TEK: variants seen among roughly 807,000 people sequenced by gnomAD.
TEK encodes angiopoietin-1 receptor.
TEK carries 43 observed loss-of-function variants against 131.8 expected under a neutral mutation model. The observed-to-expected ratio is 0.33, with a 90% CI of 0.26 to 0.42. The LOEUF is 0.42. Among genes scored for constraint, TEK ranks in the 10% least tolerant of loss-of-function variants. The probability of loss-of-function intolerance (pLI) is 1.00; values close to 1 mark genes in which losing one functional copy is unlikely to be tolerated. For synonymous variants in TEK, 580 were observed against 491.6 expected, an observed-to-expected ratio of 1.18 and a Z score of -2.38; for missense variants, 1,162 against 1,384.4, an observed-to-expected ratio of 0.84 and a Z score of 2.55.
intron 8 of TEK, 123 bp from the exon 9 acceptor site, chr9:27,185,361 AC>A (rs1824556223): frequency 8.3e-7 from 1 of 1,203,998 alleles, no homozygotes; most frequent in African/African-American, 1.5e-5. Flanking sequence ...TATTAGCATT[AC>A]ATTTAGCTTC....
intron 1 of TEK, among the ~76,000 whole-genome samples, chr9:27,136,578 G>C (rs1449249639): frequency 1.3e-5 from 2 of 152,090 alleles, no homozygotes; most frequent in East Asian, 3.9e-4. Flanking sequence ...TGGACATACA[G>C]CCACAATCAT....
intron 1 of TEK, among the ~76,000 whole-genome samples, chr9:27,148,736 G>A (rs368190710): frequency 9.8e-5 from 15 of 152,318 alleles, no homozygotes; most frequent in African/African-American, 3.4e-4. Context: ...AATCTACTGC[G>A]ACTGGCTGTT....
At chr9:27,139,575 C>T (rs1043848672) in intron 1 of TEK, among the ~76,000 whole-genome samples, 11 of 151,908 alleles carry the variant, frequency 7.2e-5, no homozygotes, top group African/African-American at 2.4e-4. Flanking sequence ...CCGCCCACCT[C>T]GGCCTCCCAA....
At chr9:27,135,383 C>T (rs561692069) in intron 1 of TEK, among the ~76,000 whole-genome samples, 7 of 152,012 alleles carry the variant, frequency 4.6e-5, no homozygotes, top group Non-Finnish European at 1.0e-4. Context: ...GGTAGGTTGC[C>T]ACCTTAGGAG....
chr9:27,143,383 T>C (rs1822801030), intron 1 of TEK, among the ~76,000 whole-genome samples: 1 of 152,078 alleles, frequency 6.6e-6, no homozygotes, highest in African/African-American at 2.4e-5. Flanking sequence ...TAGGTAGCCA[T>C]CATGGATCCA....
At chr9:27,175,591 T>C (rs917945318) in intron 6 of TEK, among the ~76,000 whole-genome samples, 1 of 152,022 alleles carries the variant, frequency 6.6e-6, no homozygotes, top group African/African-American at 2.4e-5. Context: ...TGAACTAGTT[T>C]TCAGTCCCAC....
intron 16 of TEK, among the ~76,000 whole-genome samples, chr9:27,212,173 C>T (rs1050899594): frequency 6.6e-6 from 1 of 152,036 alleles, no homozygotes; most frequent in African/African-American, 2.4e-5. Context: ...AATATGGTGA[C>T]TTAGGATGGG....
At chr9:27,175,323 T>C (rs1824123782) in intron 6 of TEK, among the ~76,000 whole-genome samples, 1 of 150,898 alleles carries the variant, frequency 6.6e-6, no homozygotes, top group African/African-American at 2.4e-5. Context: ...GAACTCATCA[T>C]TTTTTATGGC....
Position 27,218,265 on chromosome 9 carries a change from G to GTGGTGACT in TEK, c.3062+509_3063-509insGTGACTTG, listed in dbSNP as rs386414727. ...AGGAAAAACCAAGGCCCCGAGGGTG[G>GTGGTGACT]TGACTTGTCCAAGGGGTTTTGCTGA... On this transcript the variant is annotated intron_variant, in intron 19 of 22. Coordinates refer to ENST00000380036, the MANE Select transcript of TEK (RefSeq NM_000459.5). Among the ~76,000 whole-genome samples, 7 of 151,526 alleles carry GTGGTGACT rather than the reference G, an allele frequency of 4.6e-5. No individual in the cohort carries two copies. The South Asian group carries it at 8.4e-4, about 18-fold the overall frequency.
chr9:27,184,727 A>G (rs1824532153), intron 8 of TEK, among the ~76,000 whole-genome samples: 1 of 152,102 alleles, frequency 6.6e-6, no homozygotes, highest in South Asian at 2.1e-4. Context: ...AAGTTAAGTA[A>G]CTAAGGAATT....
chr9:27,179,508 C>G (rs1238072713), intron 6 of TEK, among the ~76,000 whole-genome samples: 2 of 152,054 alleles, frequency 1.3e-5, no homozygotes, highest in Non-Finnish European at 2.9e-5. Flanking sequence ...TGGATTGTAT[C>G]TTGAACATTG....
intron 2 of TEK, among the ~76,000 whole-genome samples, chr9:27,164,793 C>T (rs763488069): frequency 4.7e-4 from 72 of 152,246 alleles, no homozygotes; most frequent in Admixed American, 1.9e-3. Flanking sequence ...ACCTTGGCCT[C>T]CCAAAATTTT....
chr9:27,174,362 A>G (rs1824084434), intron 6 of TEK, among the ~76,000 whole-genome samples: 3 of 152,248 alleles, frequency 2.0e-5, no homozygotes, highest in African/African-American at 7.2e-5. Context: ...CAGTAGAAAT[A>G]TAAGCCATCC....
chr9:27,146,022 T>A (rs1006016196), intron 1 of TEK, among the ~76,000 whole-genome samples: 3 of 152,228 alleles, frequency 2.0e-5, no homozygotes, highest in African/African-American at 7.2e-5. Flanking sequence ...AACACTGTTA[T>A]CAGGTTGGTG....
At chr9:27,120,190 G>A (rs1036112416) in intron 1 of TEK, among the ~76,000 whole-genome samples, 8 of 152,166 alleles carry the variant, frequency 5.3e-5, no homozygotes, top group African/African-American at 9.7e-5. Flanking sequence ...CCAGCCTCTC[G>A]TGGTTCTCAG....
chr9:27,156,393 C>A (rs1186699412), intron 1 of TEK, among the ~76,000 whole-genome samples: 1 of 151,536 alleles, frequency 6.6e-6, no homozygotes, highest in African/African-American at 2.4e-5. Flanking sequence ...AACAGGAGGC[C>A]AAATTAGAGG....
At chr9:27,139,795 A>AGT (rs1822655591) in intron 1 of TEK, among the ~76,000 whole-genome samples, 1 of 151,890 alleles carries the variant, frequency 6.6e-6, no homozygotes, top group African/African-American at 2.4e-5. Context: ...AGGAAGAGAG[A>AGT]GTGTGTGTAT....
chr9:27,218,130 T>TTGGGGGGGGG (rs9298888), intron 19 of TEK, among the ~76,000 whole-genome samples: 4 of 139,630 alleles, frequency 2.9e-5, no homozygotes, highest in Non-Finnish European at 4.6e-5. Flanking sequence ...GGCCAGACAG[T>TTGGGGGGGGG]GGCGGGGGTC....
Position 27,109,532 on chromosome 9 carries a change from A to G in TEK, c.-59A>G. ...AAGTCACAAACCGCTGGGTTTTTGA[A>G]AGGATCCTTGGGACCTCATGCACAT... On this transcript the variant is annotated 5_prime_UTR_variant, in exon 1 of 23. Transcript: ENST00000380036. The G allele has an allele frequency of 6.3e-7, 1 of 1,592,102 alleles. No homozygotes were observed. Among genetic ancestry groups the G allele is most frequent in the South Asian group, 1.1e-5 (1 of 90,580 alleles).
Sources: gnomAD v4.1 joint callset for allele counts (sites outside exome capture counted in the v4.1 genomes callset) on GRCh38, gnomAD v4.1.1 for gene constraint, MANE v1.5 for transcripts, NCBI Gene and HGNC (gene_info 2026-07-23, HGNC 2026-07-21) for gene names.